Variants in GSE1 observed in about 807,000 individuals in gnomAD.
GSE1 encodes Gse1 coiled-coil protein, also known as genetic suppressor element 1.
GSE1 carries 32 observed loss-of-function variants against 112.6 expected under a neutral mutation model. The ratio of observed to expected loss-of-function variants is 0.28; its 90% confidence interval spans 0.21 to 0.38. GSE1 has a LOEUF of 0.38. Among genes scored for constraint, GSE1 ranks in the 10% least tolerant of loss-of-function variants. GSE1 has a pLI of 1.00. For missense variants in GSE1, 2,348 were observed against 1,699.2 expected (o/e 1.38, Z -6.71); for synonymous variants, 1,115 against 735.6 (o/e 1.52, Z -8.35).
chr16:85,485,488 C>T (rs150640263), intron 2 of GSE1, among the ~76,000 whole-genome samples: 1 of 152,252 alleles, frequency 6.6e-6, no homozygotes, highest in African/African-American at 2.4e-5. Context: ...GGCCCCTGCT[C>T]AGGCTCTGCC....
chr16:85,480,449 G>A lies in GSE1; in HGVS notation c.2464+122806G>A, dbSNP rs555887107. On this transcript the variant is annotated intron_variant, in intron 2 of 2. Coordinates refer to the GSE1 transcript ENST00000637419. ...TCCAGGGTCCCTGGTGAGCTCTGCC[G>A]CCACCTCCACTCCACCCTGTTTCTG... Among the ~76,000 whole-genome samples, 70 of 152,256 alleles carry A rather than the reference G, an allele frequency of 4.6e-4. No individual in the cohort carries two copies. In the Middle Eastern group the frequency reaches 0.01, roughly 22 times the overall value.
intron 2 of GSE1, among the ~76,000 whole-genome samples, chr16:85,478,920 T>C (rs1567520832): frequency 2.4e-4 from 13 of 54,890 alleles, no homozygotes; most frequent in African/African-American, 1.4e-3. Flanking sequence ...TCTTTCTTTC[T>C]TTCTTTCTCT....
chr16:85,617,278 A>G (rs1456455682), intron 1 of GSE1, among the ~76,000 whole-genome samples: 2 of 152,190 alleles, frequency 1.3e-5, no homozygotes, highest in Non-Finnish European at 2.9e-5. Context: ...GGCGGAGTCC[A>G]GGCCTGGAGG....
intron 2 of GSE1, among the ~76,000 whole-genome samples, chr16:85,478,011 A>C (rs566529661): frequency 3.3e-5 from 5 of 152,012 alleles, no homozygotes; most frequent in African/African-American, 1.2e-4. Context: ...CCTCCCCATT[A>C]GCGGTCACTC....
chr16:85,327,071 G>T (rs1470676262), intron 1 of GSE1, among the ~76,000 whole-genome samples: 1 of 152,236 alleles, frequency 6.6e-6, no homozygotes, highest in Non-Finnish European at 1.5e-5. Context: ...CTACCACAGG[G>T]CTGCTAGATT....
Position 85,665,094 on chromosome 16 carries a change from C to T in GSE1, c.2724C>T (p.Asn908=), listed in dbSNP as rs1186522760. 1.2e-6 allele frequency: 2 copies of T among 1,610,772 alleles called. No individual in the cohort carries two copies. The highest frequency in any genetic ancestry group is 1.6e-4 in the Middle Eastern group (1 of 6,082). Residue 908 remains asparagine, a synonymous_variant, in exon 12 of 16, where the codon AAC becomes AAT. Coordinates refer to ENST00000253458, the MANE Select transcript of GSE1 (RefSeq NM_014615.5). ...LSAAVADSLT[N]SPRDSPAVSL... Reference sequence around the variant, plus strand: ...CAGCAGTGGCCGACTCCTTGACAAACTCTCCGAGGGACAGTCCTGCCGTCT... The same window carrying T: ...CAGCAGTGGCCGACTCCTTGACAAATTCTCCGAGGGACAGTCCTGCCGTCT...
chr16:85,276,539 G>T (rs1368204478), intron 1 of GSE1, among the ~76,000 whole-genome samples: 1 of 152,224 alleles, frequency 6.6e-6, no homozygotes, highest in African/African-American at 2.4e-5. Flanking sequence ...AGCCAAGGCA[G>T]GGCCTCAGGG....
chr16:85,600,473 G>A (rs566996692), intron 1 of GSE1, among the ~76,000 whole-genome samples: 1 of 152,156 alleles, frequency 6.6e-6, no homozygotes, highest in East Asian at 1.9e-4. Flanking sequence ...AACTCCGGGT[G>A]AGAGGCTAGT....
At position 85,637,390 on chromosome 16, in the gene GSE1, G is replaced by A. The variant is rs534909192; in HGVS notation, c.226+3258G>A. Reference sequence around the variant, plus strand: ...GGGAGCTGGGTGGGGCCACGAACCCGCAGCTGCCTTTCTGCTCCGTCCTGG... The same window carrying A: ...GGGAGCTGGGTGGGGCCACGAACCCACAGCTGCCTTTCTGCTCCGTCCTGG... On this transcript the variant is annotated intron_variant, in intron 2 of 15. Coordinates refer to ENST00000253458, the MANE Select transcript of GSE1 (RefSeq NM_014615.5). 1.4e-4 allele frequency among the ~76,000 whole-genome samples: 21 copies of A among 152,346 alleles called. No individual in the cohort carries two copies. In the South Asian group the frequency reaches 2.3e-3, roughly 17 times the overall value.
chr16:85,574,324 A>G (rs1009100188), intron 1 of GSE1, among the ~76,000 whole-genome samples: 8 of 152,238 alleles, frequency 5.3e-5, no homozygotes, highest in Middle Eastern at 3.2e-3. Flanking sequence ...GCTGCTTCCC[A>G]GAGAGGACAA....
At chr16:85,480,055 C>T (rs913532233) in intron 2 of GSE1, among the ~76,000 whole-genome samples, 1 of 152,206 alleles carries the variant, frequency 6.6e-6, no homozygotes, top group South Asian at 2.1e-4. Context: ...TGTTCCTGGC[C>T]GGTCCCCAGC....
intron 1 of GSE1, among the ~76,000 whole-genome samples, chr16:85,220,759 C>A (rs1033462060): frequency 6.6e-6 from 1 of 152,210 alleles, no homozygotes; most frequent in African/African-American, 2.4e-5. Flanking sequence ...ATCCCTTTCT[C>A]TCTCCTTGCT....
At chr16:85,183,373 C>T (rs143365402) in intron 1 of GSE1, among the ~76,000 whole-genome samples, 93 of 152,344 alleles carry the variant, frequency 6.1e-4, no homozygotes, top group African/African-American at 2.1e-3. Context: ...CAACTTGGCA[C>T]AGACTCTGGA....
At chr16:85,542,311 T>C (rs2044548676) in intron 2 of GSE1, among the ~76,000 whole-genome samples, 1 of 152,200 alleles carries the variant, frequency 6.6e-6, no homozygotes. Context: ...ATGGTGTGTC[T>C]GAGTTTTATT....
chr16:85,307,694 AC>A (rs373447227), intron 1 of GSE1, among the ~76,000 whole-genome samples: 259 of 152,284 alleles, frequency 1.7e-3, no homozygotes, highest in African/African-American at 5.9e-3. Context: ...CACGGCTGAC[AC>A]CATGTGACTG....
At position 85,317,229 on chromosome 16, in the gene GSE1, C is replaced by T. The variant is rs542301514; in HGVS notation, c.2284-40234C>T. On this transcript the variant is annotated intron_variant, in intron 1 of 2. Coordinates refer to the GSE1 transcript ENST00000637419. ...ATCAGGCACCTCCTTTGGGTGTGGA[C>T]GGGACTAACACTTGCTCCATGTCAG... Among the ~76,000 whole-genome samples, 42 of 152,280 alleles carry T rather than the reference C, an allele frequency of 2.8e-4. No individual in the cohort carries two copies. In the South Asian group the frequency reaches 5.2e-3, roughly 19 times the overall value.
chr16:85,374,778 C>T (rs557943222), intron 2 of GSE1, among the ~76,000 whole-genome samples: 1 of 152,232 alleles, frequency 6.6e-6, no homozygotes, highest in South Asian at 2.1e-4. Context: ...AGTTTCGGGA[C>T]CCTCGCCAAC....
intron 1 of GSE1, among the ~76,000 whole-genome samples, chr16:85,572,463 CA>C (rs931309780): frequency 1.1e-5 from 1 of 92,348 alleles, no homozygotes; most frequent in African/African-American, 3.7e-5. Flanking sequence ...ACCACACACA[CA>C]ACACACATCA....
At chr16:85,339,667 G>A (rs1253762967) in intron 1 of GSE1, among the ~76,000 whole-genome samples, 5 of 151,180 alleles carry the variant, frequency 3.3e-5, no homozygotes. Flanking sequence ...GGTGGGGGCG[G>A]TTCTTTTTAA....
Sources: gnomAD v4.1 joint callset for allele counts (sites outside exome capture counted in the v4.1 genomes callset) on GRCh38, gnomAD v4.1.1 for gene constraint, MANE v1.5 for transcripts, NCBI Gene and HGNC (gene_info 2026-07-23, HGNC 2026-07-21) for gene names.